The following ESRP1 variants were observed in gnomAD, a reference collection of about 807,000 sequenced individuals.
ESRP1 encodes the protein RNA-binding motif protein 35A.
Under a neutral mutation model 81.7 loss-of-function variants are expected in ESRP1, and 33 were observed. That is an observed-to-expected ratio of 0.40 (90% CI 0.31 to 0.54). ESRP1 has a LOEUF of 0.54. Ranked by LOEUF, ESRP1 falls within the 20% of genes least tolerant of loss-of-function variation. ESRP1 has a pLI of 0.41. For synonymous variants in ESRP1, 320 were observed against 303.3 expected, an observed-to-expected ratio of 1.06 and a Z score of -0.57; for missense variants, 672 against 833.1, an observed-to-expected ratio of 0.81 and a Z score of 2.38.
intron 13 of ESRP1, among the ~76,000 whole-genome samples, chr8:94,687,447 T>C (rs7836949): frequency 0.34 from 51,954 of 152,070 alleles, 9,525 homozygotes; most frequent in East Asian, 0.56. Flanking sequence ...AGGGTATATA[T>C]CTAGAAGTGG....
chr8:94,665,287 T>C (rs1818963465), intron 9 of ESRP1, 91 bp downstream of exon 9: 2 of 1,252,926 alleles, frequency 1.6e-6, no homozygotes, highest in Admixed American at 4.3e-5. Flanking sequence ...AATAGGGTCA[T>C]GAATGGTTTT....
chr8:94,697,892 T>TG (rs1809668084), intron 15 of ESRP1, among the ~76,000 whole-genome samples: 2 of 152,186 alleles, frequency 1.3e-5, no homozygotes, highest in South Asian at 4.1e-4. Context: ...GTGATTCTCC[T>TG]GCCTCAGCCT....
chr8:94,687,038 A>G (rs1809168669), intron 13 of ESRP1, among the ~76,000 whole-genome samples: 1 of 152,206 alleles, frequency 6.6e-6, no homozygotes, highest in African/African-American at 2.4e-5. Flanking sequence ...CAATTGTAGA[A>G]TAATTTTACA....
intron 13 of ESRP1, among the ~76,000 whole-genome samples, chr8:94,681,346 A>AAC (rs1470490968): frequency 2.8e-4 from 41 of 144,908 alleles, no homozygotes; most frequent in African/African-American, 1.0e-3. Context: ...AAAAAAAAAA[A>AAC]AAAAAAACTG....
chr8:94,643,081 A>G (rs1263427676), intron 2 of ESRP1, among the ~76,000 whole-genome samples: 1 of 152,224 alleles, frequency 6.6e-6, no homozygotes, highest in Non-Finnish European at 1.5e-5. Flanking sequence ...TGCATTGACA[A>G]GTTTCTCCTG....
chr8:94,693,172 GA>G (rs1809473541), intron 14 of ESRP1, among the ~76,000 whole-genome samples: 1 of 152,164 alleles, frequency 6.6e-6, no homozygotes, highest in Non-Finnish European at 1.5e-5. Flanking sequence ...TATTCAAAGT[GA>G]AGTGTCAAAT....
rs1245229901 is a variant in ESRP1, at chr8:94,674,438, T to A, written c.1583T>A (p.Met528Lys). The A allele has an allele frequency of 1.9e-6, 3 of 1,614,014 alleles. No individual in the cohort carries two copies. Among genetic ancestry groups the A allele is most frequent in the Non-Finnish European group, 2.5e-6 (3 of 1,179,884 alleles). The stretch of plus-strand genomic sequence containing the variant: ...GTCTTTCAGTGTTCAGCTGAGGAGA[T>A]GAACTTTGTGTTAATGGGGGGCACT... ...VEVFQCSAEE[M>K]NFVLMGGTLN... Residue 528 changes from methionine to lysine, a missense_variant, in exon 12 of 16, where the codon ATG becomes AAG. By Grantham distance (95) the Met-to-Lys change is moderately conservative (BLOSUM62 -1). Coordinates refer to ENST00000433389, the MANE Select transcript of ESRP1 (RefSeq NM_017697.4).
intron 4 of ESRP1, among the ~76,000 whole-genome samples, chr8:94,658,995 C>T (rs1472425393): frequency 6.6e-6 from 1 of 152,076 alleles, no homozygotes; most frequent in East Asian, 1.9e-4. Context: ...ACTTTTCGAC[C>T]TCCCAGGCTC....
intron 4 of ESRP1, among the ~76,000 whole-genome samples, chr8:94,653,316 A>G (rs978294049): frequency 2.0e-5 from 3 of 152,194 alleles, no homozygotes; most frequent in Admixed American, 6.5e-5. Flanking sequence ...TGGGGATAAT[A>G]GGATAGTAGT....
At chr8:94,653,097 C>T (rs751262999) in intron 4 of ESRP1, among the ~76,000 whole-genome samples, 4 of 151,670 alleles carry the variant, frequency 2.6e-5, no homozygotes, top group Admixed American at 6.6e-5. Context: ...TGCTGTTTGA[C>T]GTGATTATGA....
intron 15 of ESRP1, among the ~76,000 whole-genome samples, chr8:94,700,273 T>C (rs1389096264): frequency 6.6e-6 from 1 of 152,040 alleles, no homozygotes; most frequent in African/African-American, 2.4e-5. Flanking sequence ...GAAAAAGCTG[T>C]AATGAGGTTC....
rs1254151102 is a variant in ESRP1, at chr8:94,641,328, T to C, written c.10T>C (p.Ser4Pro). 2 of 1,584,332 alleles carry C rather than the reference T, an allele frequency of 1.3e-6. No individual in the cohort carries two copies. Among genetic ancestry groups the C allele is most frequent in the Non-Finnish European group, 1.7e-6 (2 of 1,159,424 alleles). MTASPDYLVVLFGI... is the reference protein window; with the variant it reads MTAPPDYLVVLFGI... ...CTCCCCACCTATCGTCATGACGGCC[T>C]CTCCGGATTACTTGGTGGTGCTTTT... is the stretch of plus-strand genomic sequence containing the variant. Residue 4 changes from serine (S) to proline (P), a missense_variant, in exon 1 of 16, where the codon TCT (serine) becomes CCT (proline). By Grantham distance (74) the Ser-to-Pro change is moderately conservative. Transcript: ENST00000433389.
At chr8:94,646,553 G>A (rs1233585067) in intron 4 of ESRP1, 4 of 244,230 alleles carry the variant, frequency 1.6e-5, no homozygotes, top group Non-Finnish European at 2.4e-5. Flanking sequence ...TGTAATGTGT[G>A]TGTGTGCTGC....
intron 4 of ESRP1, among the ~76,000 whole-genome samples, chr8:94,659,303 T>G (rs1818597755): frequency 6.6e-6 from 1 of 152,224 alleles, no homozygotes; most frequent in African/African-American, 2.4e-5. Context: ...CCTTTCAAAC[T>G]TTTTCATTAT....
chr8:94,696,228 A>G (rs1809600111), intron 14 of ESRP1, among the ~76,000 whole-genome samples: 1 of 152,212 alleles, frequency 6.6e-6, no homozygotes, highest in African/African-American at 2.4e-5. Flanking sequence ...GTGTTTTCAT[A>G]CTGAATGGAC....
At chr8:94,648,804 G>C (rs1213920301) in intron 4 of ESRP1, among the ~76,000 whole-genome samples, 3 of 150,610 alleles carry the variant, frequency 2.0e-5, no homozygotes, top group African/African-American at 7.4e-5. Context: ...ATCCTTGATT[G>C]GTTGTTTTAA....
chr8:94,654,170 T>G (rs1393183803), intron 4 of ESRP1, among the ~76,000 whole-genome samples: 1 of 151,982 alleles, frequency 6.6e-6, no homozygotes, highest in African/African-American at 2.4e-5. Context: ...AATACAAAAT[T>G]ATCTGGGTGT....
chr8:94,669,640 CG>C (rs1348760409), intron 10 of ESRP1, among the ~76,000 whole-genome samples: 1 of 151,990 alleles, frequency 6.6e-6, no homozygotes, highest in African/African-American at 2.4e-5. Context: ...CCAAGGCGAG[CG>C]GATTGCCTGA....
At chr8:94,692,166 A>G (rs755800038) in intron 13 of ESRP1, among the ~76,000 whole-genome samples, 1 of 151,964 alleles carries the variant, frequency 6.6e-6, no homozygotes, top group East Asian at 1.9e-4. Flanking sequence ...ACCCATGGGC[A>G]CTCTAGTACT....
Sources: gnomAD v4.1 joint callset for allele counts (sites outside exome capture counted in the v4.1 genomes callset) on GRCh38, gnomAD v4.1.1 for gene constraint, MANE v1.5 for transcripts, NCBI Gene and HGNC (gene_info 2026-07-23, HGNC 2026-07-21) for gene names.